TRIM44: variants seen among roughly 807,000 people sequenced by gnomAD.
The protein encoded by TRIM44 is tripartite motif containing 44.
A neutral mutation model predicts 37.4 loss-of-function variants in TRIM44; 13 were observed. The ratio of observed to expected loss-of-function variants is 0.35; its 90% CI spans 0.23 to 0.55. The LOEUF (loss-of-function observed/expected upper bound fraction) is 0.55, where lower values mean the gene tolerates loss of function less well. TRIM44 is among the 20% of genes least tolerant of loss of function. The pLI is 0.89. For missense variants in TRIM44, 426 were observed against 437.2 expected (o/e 0.97, Z 0.23); for synonymous variants, 175 against 157.2 (o/e 1.11, Z -0.85).
intron 4 of TRIM44, among the ~76,000 whole-genome samples, chr11:35,804,018 C>T (rs543216680): frequency 6.6e-6 from 1 of 151,644 alleles, no homozygotes; most frequent in African/African-American, 2.4e-5. Context: ...CTTCCTCCCT[C>T]CCCTGAGCCT....
At chr11:35,716,501 T>G (rs1852040929) in intron 2 of TRIM44, among the ~76,000 whole-genome samples, 1 of 152,090 alleles carries the variant, frequency 6.6e-6, no homozygotes, top group African/African-American at 2.4e-5. Context: ...TTTTCATGTA[T>G]ATGGGGCAAC....
intron 2 of TRIM44, among the ~76,000 whole-genome samples, chr11:35,721,998 T>G (rs1852115523): frequency 1.3e-5 from 2 of 152,288 alleles, no homozygotes; most frequent in South Asian, 4.1e-4. Context: ...GAGTACAATG[T>G]AGGAATAAAT....
At chr11:35,741,252 T>C (rs1852393706) in intron 4 of TRIM44, among the ~76,000 whole-genome samples, 1 of 152,188 alleles carries the variant, frequency 6.6e-6, no homozygotes, top group Non-Finnish European at 1.5e-5. Flanking sequence ...TTATGGAACC[T>C]GAGTTGACCT....
chr11:35,689,923 C>A (rs1330092751), intron 2 of TRIM44, among the ~76,000 whole-genome samples: 1 of 152,008 alleles, frequency 6.6e-6, no homozygotes, highest in African/African-American at 2.4e-5. Context: ...GATTGCTTTT[C>A]TTTCCCTCTG....
At chr11:35,695,955 T>C (rs1222510856) in intron 2 of TRIM44, among the ~76,000 whole-genome samples, 1 of 151,856 alleles carries the variant, frequency 6.6e-6, no homozygotes, top group African/African-American at 2.4e-5. Context: ...TTTACCTCTC[T>C]TTTGGATGCT....
At position 35,663,177 on chromosome 11, in the gene TRIM44, G is replaced by A; in HGVS notation, c.66G>A (p.Glu22=). The A allele has an allele frequency of 6.3e-7, 1 of 1,576,126 alleles. No individual in the cohort carries two copies. The highest frequency in any genetic ancestry group is 1.7e-4 in the Middle Eastern group (1 of 5,882). The stretch of plus-strand genomic sequence containing the variant: ...ACGACGGCACGTGTGACGAGTGCGA[G>A]CCCGACGAGGCTCCGGGGGCCGAGG... ...LPHDGTCDEC[E]PDEAPGAEEV... Residue 22 remains glutamate, a synonymous_variant, in exon 1 of 5, where the codon GAG becomes GAA. Transcript: ENST00000299413.
rs1853535912 is a variant in TRIM44 at position 35,812,187 on chromosome 11, C to G, written c.*5802C>G. The G allele has an allele frequency of 6.6e-6, 1 of 152,118 alleles. No homozygotes were observed. The highest frequency in any genetic ancestry group is 2.1e-4 in the South Asian group (1 of 4,812). 9.4% of individuals were successfully genotyped at this position (152,118 alleles called of 1,614,324 possible). The stretch of plus-strand genomic sequence containing the variant: ...TTTATTTTATTACTCTTTGTTTGGT[C>G]CAACATGGCCCCATTTCCTTTATAC... On this transcript the variant is annotated 3_prime_UTR_variant, in exon 5 of 5. Coordinates refer to ENST00000299413, the MANE Select transcript of TRIM44 (RefSeq NM_017583.6).
intron 2 of TRIM44, among the ~76,000 whole-genome samples, chr11:35,704,205 A>G (rs1851840901): frequency 1.3e-5 from 2 of 152,190 alleles, no homozygotes; most frequent in African/African-American, 4.8e-5. Flanking sequence ...AGGGAAGTTT[A>G]GAGAAAAAAG....
Position 35,732,326 on chromosome 11 carries a change from T to C in TRIM44, c.988-3100T>C, listed in dbSNP as rs558012042. The stretch of plus-strand genomic sequence containing the variant: ...TGCCATCAGATATCACAAAGAGCAT[T>C]TGTGATAATTAGGGATTTGGGAGCA... On this transcript the variant is annotated intron_variant, in intron 3 of 4. Transcript: ENST00000299413. Among the ~76,000 whole-genome samples the C allele has an allele frequency of 9.2e-5, 14 of 152,248 alleles. No homozygotes were observed. In the South Asian group the frequency reaches 2.9e-3, roughly 32 times the overall value.
At chr11:35,755,387 G>A (rs563227675) in intron 4 of TRIM44, among the ~76,000 whole-genome samples, 1 of 152,230 alleles carries the variant, frequency 6.6e-6, no homozygotes, top group East Asian at 1.9e-4. Flanking sequence ...TGAGTTCATT[G>A]TAGATTCTGG....
At chr11:35,732,610 T>G (rs1852276226) in intron 3 of TRIM44, among the ~76,000 whole-genome samples, 1 of 152,192 alleles carries the variant, frequency 6.6e-6, no homozygotes, top group Admixed American at 6.6e-5. Flanking sequence ...CATTGTCAGT[T>G]TTCTTCTCTA....
chr11:35,761,399 C>CTA (rs1344574690), intron 4 of TRIM44, among the ~76,000 whole-genome samples: 123 of 50,212 alleles, frequency 2.4e-3, no homozygotes, highest in East Asian at 8.2e-3. Flanking sequence ...CTCTCTCTCT[C>CTA]TCTCTCTATA....
At chr11:35,752,177 A>G (rs1469649751) in intron 4 of TRIM44, among the ~76,000 whole-genome samples, 1 of 150,988 alleles carries the variant, frequency 6.6e-6, no homozygotes, top group Non-Finnish European at 1.5e-5. Context: ...TTCCACATCC[A>G]GTTAATCAGC....
chr11:35,729,817 T>C (rs959164972), intron 3 of TRIM44, among the ~76,000 whole-genome samples: 1 of 152,208 alleles, frequency 6.6e-6, no homozygotes, highest in African/African-American at 2.4e-5. Flanking sequence ...TTTTATAATA[T>C]AACTCATCAT....
chr11:35,737,024 G>A (rs1359475172), intron 4 of TRIM44, among the ~76,000 whole-genome samples: 1 of 152,176 alleles, frequency 6.6e-6, no homozygotes, highest in African/African-American at 2.4e-5. Context: ...TACATGGTAG[G>A]GAATGTGTTC....
chr11:35,776,160 C>G (rs1852957765), intron 4 of TRIM44, among the ~76,000 whole-genome samples: 1 of 152,100 alleles, frequency 6.6e-6, no homozygotes, highest in East Asian at 1.9e-4. Context: ...TGTTATTGGT[C>G]TATTCAGGGA....
intron 2 of TRIM44, among the ~76,000 whole-genome samples, chr11:35,710,015 A>G (rs1185100969): frequency 1.3e-5 from 2 of 152,200 alleles, no homozygotes; most frequent in African/African-American, 4.8e-5. Flanking sequence ...AAACAGCTGG[A>G]TTCATTACAG....
In TRIM44 at chr11:35,811,482, C is replaced by A. The variant is rs554356523; in HGVS notation, c.*5097C>A. On this transcript the variant is annotated 3_prime_UTR_variant, in exon 5 of 5. Transcript: ENST00000299413. ...CAAATTACAGTTAGGCCAACAAAATCTTTGTTTTGTGAAACTTTAGAAATA... is the reference window on the plus strand; with the variant it reads ...CAAATTACAGTTAGGCCAACAAAATATTTGTTTTGTGAAACTTTAGAAATA... The A allele has an allele frequency of 6.6e-6, 1 of 152,182 alleles. No homozygotes were observed. Among genetic ancestry groups the A allele is most frequent in the African/African-American group, 2.4e-5 (1 of 41,540 alleles). The allele number at this position is 152,182 out of a possible 1,614,324, so 9.4% of individuals were successfully genotyped here.
At position 35,810,570 on chromosome 11, in the gene TRIM44, G is replaced by GATAGT. The variant is rs1221459763; in HGVS notation, c.*4189_*4193dup. 1 of 152,124 alleles carries GATAGT rather than the reference G, an allele frequency of 6.6e-6. No individual in the cohort carries two copies. The highest frequency in any genetic ancestry group is 2.4e-5 in the African/African-American group (1 of 41,420). The allele number at this position is 152,124 out of a possible 1,614,324, so 9.4% of individuals were successfully genotyped here. ...TCTGGAGGCCTGCCTGGTAAGATAAGATAGTATAATTTGGAACTGAGAACA... is the reference window on the plus strand; with the variant it reads ...TCTGGAGGCCTGCCTGGTAAGATAAGATAGTATAGTATAATTTGGAACTGAGAACA... On this transcript the variant is annotated 3_prime_UTR_variant, in exon 5 of 5. Transcript: ENST00000299413.
Sources: allele counts gnomAD v4.1 joint callset (sites outside exome capture counted in the v4.1 genomes callset), GRCh38; gene constraint gnomAD v4.1.1; transcripts MANE v1.5; gene names NCBI Gene and HGNC (gene_info 2026-07-23, HGNC 2026-07-21).